The following MDGA2 variants were observed in gnomAD, a reference collection of about 807,000 sequenced individuals.
MDGA2 encodes MAM domain-containing glycosylphosphatidylinositol anchor protein 2.
A neutral mutation model predicts 117.8 loss-of-function variants in MDGA2; 40 were observed. That is an observed-to-expected ratio of 0.34 (90% CI 0.26 to 0.44). The LOEUF is 0.44. Ranked by LOEUF, MDGA2 falls within the 20% of genes least tolerant of loss-of-function variation. The probability of loss-of-function intolerance (pLI) is 1.00; values close to 1 mark genes in which losing one functional copy is unlikely to be tolerated. For missense variants in MDGA2, 1,123 were observed against 1,250.6 expected, an observed-to-expected ratio of 0.90 and a Z score of 1.54; for synonymous variants, 452 against 439.0, an observed-to-expected ratio of 1.03 and a Z score of -0.37.
intron 2 of MDGA2, among the ~76,000 whole-genome samples, chr14:47,224,906 T>A (rs914496404): frequency 6.6e-6 from 1 of 152,236 alleles, no homozygotes; most frequent in African/African-American, 2.4e-5. Flanking sequence ...TTTGAATTAC[T>A]TATTAGAATA....
chr14:47,473,779 AT>A (rs1198185541), intron 1 of MDGA2, among the ~76,000 whole-genome samples: 1 of 152,170 alleles, frequency 6.6e-6, no homozygotes, highest in Non-Finnish European at 1.5e-5. Context: ...ATATCCCTTC[AT>A]GTTAAAAACT....
intron 3 of MDGA2, among the ~76,000 whole-genome samples, chr14:47,179,299 T>C (rs942525877): frequency 6.6e-6 from 1 of 152,118 alleles, no homozygotes; most frequent in African/African-American, 2.4e-5. Flanking sequence ...TTTCTACTTT[T>C]GATAGAATCA....
chr14:47,336,053 A>G (rs959616600), intron 1 of MDGA2, among the ~76,000 whole-genome samples: 1 of 151,830 alleles, frequency 6.6e-6, no homozygotes, highest in South Asian at 2.1e-4. Context: ...AGCCCTAGAA[A>G]GAATTCGATA....
chr14:47,627,921 G>A (rs1162857094), intron 1 of MDGA2, among the ~76,000 whole-genome samples: 2 of 152,142 alleles, frequency 1.3e-5, no homozygotes, highest in Non-Finnish European at 1.5e-5. Context: ...CCGAACATCA[G>A]AAGGAACGAA....
intron 2 of MDGA2, among the ~76,000 whole-genome samples, chr14:47,219,567 C>T (rs1489111411): frequency 6.6e-6 from 1 of 151,952 alleles, no homozygotes; most frequent in Non-Finnish European, 1.5e-5. Context: ...CTAACACTTT[C>T]ACTTAGCAAT....
intron 1 of MDGA2, among the ~76,000 whole-genome samples, chr14:47,546,905 T>C (rs937611412): frequency 3.2e-4 from 48 of 152,208 alleles, no homozygotes; most frequent in Admixed American, 2.2e-3. Context: ...TGATTCATTT[T>C]AGGCACACAG....
At chr14:47,073,929 A>T (rs1372174369) in intron 6 of MDGA2, among the ~76,000 whole-genome samples, 1 of 152,102 alleles carries the variant, frequency 6.6e-6, no homozygotes, top group Non-Finnish European at 1.5e-5. Flanking sequence ...TGCCGGGTTG[A>T]TCTTTCTAAA....
chr14:47,060,593 C>A (rs2138781668), intron 7 of MDGA2, among the ~76,000 whole-genome samples: 1 of 152,130 alleles, frequency 6.6e-6, no homozygotes, highest in South Asian at 2.1e-4. Context: ...TCCACCAAAT[C>A]CCTGTAATTT....
chr14:47,244,028 C>CTT (rs1332400107), intron 2 of MDGA2, among the ~76,000 whole-genome samples: 3 of 151,662 alleles, frequency 2.0e-5, no homozygotes, highest in Non-Finnish European at 4.4e-5. Context: ...ATGATTTTCC[C>CTT]TTTTTTGGCA....
chr14:46,970,443 A>C (rs7160739), intron 8 of MDGA2, among the ~76,000 whole-genome samples: 18,102 of 152,158 alleles, frequency 0.12, 2,065 homozygotes, highest in African/African-American at 0.27. Context: ...AGAACATACA[A>C]TGGGGAAAAG....
intron 1 of MDGA2, among the ~76,000 whole-genome samples, chr14:47,430,068 G>C (rs1041111171): frequency 1.3e-5 from 2 of 151,194 alleles, no homozygotes; most frequent in African/African-American, 4.9e-5. Context: ...GTTGAAATCA[G>C]AGAGGTACAG....
intron 7 of MDGA2, among the ~76,000 whole-genome samples, chr14:47,056,248 A>T (rs1889671151): frequency 6.6e-6 from 1 of 152,108 alleles, no homozygotes; most frequent in African/African-American, 2.4e-5. Flanking sequence ...TTTGTTAACT[A>T]TTCTTCTTTC....
chr14:47,172,906 A>T (rs935760973), intron 3 of MDGA2, among the ~76,000 whole-genome samples: 56 of 152,162 alleles, frequency 3.7e-4, no homozygotes, highest in Non-Finnish European at 4.4e-4. Flanking sequence ...TTCGAAAAAA[A>T]TTTAGACGAA....
chr14:46,959,295 GT>G (rs1885696066), intron 8 of MDGA2, among the ~76,000 whole-genome samples: 2 of 116,954 alleles, frequency 1.7e-5, no homozygotes, highest in Admixed American at 9.3e-5. Flanking sequence ...GTGTGTGTGT[GT>G]GTGTGTGGAT....
intron 1 of MDGA2, among the ~76,000 whole-genome samples, chr14:47,540,575 TAGAG>T (rs143097700): frequency 3.0e-5 from 4 of 134,012 alleles, no homozygotes; most frequent in Admixed American, 1.5e-4. Context: ...CACACACACA[TAGAG>T]AGAGAGACAG....
At chr14:47,391,306 T>A (rs7142187) in intron 1 of MDGA2, among the ~76,000 whole-genome samples, 1 of 152,038 alleles carries the variant, frequency 6.6e-6, no homozygotes, top group African/African-American at 2.4e-5. Flanking sequence ...CTCCAGAATT[T>A]CTGCTCATGT....
intron 2 of MDGA2, among the ~76,000 whole-genome samples, chr14:47,228,616 A>AT (rs762489095): frequency 9.9e-5 from 15 of 152,130 alleles, no homozygotes; most frequent in Admixed American, 3.3e-4. Context: ...AAATTAATGC[A>AT]TTTTTTTCTG....
intron 5 of MDGA2, among the ~76,000 whole-genome samples, chr14:47,130,073 C>T (rs1289722285): frequency 1.3e-5 from 2 of 151,736 alleles, no homozygotes; most frequent in Non-Finnish European, 2.9e-5. Flanking sequence ...GTTTCTTTTG[C>T]TGTGCAGAAG....
At position 46,961,094 on chromosome 14, in the gene MDGA2, A is replaced by C. The variant is rs74588117; in HGVS notation, c.1820-3451T>G. The stretch of plus-strand genomic sequence containing the variant: ...TAAAGAGGTCAACTCAAAGTCTCAC[A>C]CTTTGACGTGAATGTCTTTTTTTTC... On this transcript the variant is annotated intron_variant, in intron 8 of 16. Coordinates refer to ENST00000399232, the MANE Select transcript of MDGA2 (RefSeq NM_001113498.3). Among the ~76,000 whole-genome samples, 282 of 152,120 alleles carry C rather than the reference A, an allele frequency of 1.9e-3. 6 individuals carry two copies. The East Asian group carries it at 0.043, about 23-fold the overall frequency.
Sources: gnomAD v4.1 joint callset for allele counts (sites outside exome capture counted in the v4.1 genomes callset) on GRCh38, gnomAD v4.1.1 for gene constraint, MANE v1.5 for transcripts, NCBI Gene and HGNC (gene_info 2026-07-23, HGNC 2026-07-21) for gene names.